RNF180: variants seen among roughly 807,000 people sequenced by gnomAD.
The protein encoded by RNF180 is E3 ubiquitin-protein ligase RNF180.
In RNF180, 38 loss-of-function variants were observed where a neutral mutation model predicts 59.2. That is an observed-to-expected ratio of 0.64 (90% CI 0.50 to 0.84). RNF180 has a LOEUF of 0.84. RNF180 is among the 40% of genes least tolerant of loss of function. The probability of loss-of-function intolerance (pLI) is 0.00; values close to 1 mark genes in which losing one functional copy is unlikely to be tolerated. For missense variants in RNF180, 705 were observed against 700.9 expected, an observed-to-expected ratio of 1.01 and a Z score of -0.07; for synonymous variants, 262 against 240.3, an observed-to-expected ratio of 1.09 and a Z score of -0.84.
At chr5:64,235,416 TTAAAA>T (rs1742377454) in intron 5 of RNF180, among the ~76,000 whole-genome samples, 2 of 152,264 alleles carry the variant, frequency 1.3e-5, no homozygotes, top group African/African-American at 4.8e-5. Context: ...TACTAAATAC[TTAAAA>T]TAAGCATGAA....
intron 7 of RNF180, among the ~76,000 whole-genome samples, chr5:64,356,104 A>C (rs1191560962): frequency 1.3e-5 from 2 of 151,722 alleles, no homozygotes; most frequent in Non-Finnish European, 2.9e-5. Flanking sequence ...AAAAAAACAA[A>C]TTGTAATTAG....
intron 2 of RNF180, among the ~76,000 whole-genome samples, chr5:64,206,587 C>T (rs1006977236): frequency 8.6e-5 from 13 of 151,990 alleles, no homozygotes; most frequent in Admixed American, 7.9e-4. Context: ...TTAGTGATAC[C>T]GTATATTTGT....
At chr5:64,325,960 T>G (rs1744615509) in intron 6 of RNF180, among the ~76,000 whole-genome samples, 1 of 152,070 alleles carries the variant, frequency 6.6e-6, no homozygotes, top group Admixed American at 6.6e-5. Flanking sequence ...AACACAATAT[T>G]TAAAATATTA....
At chr5:64,267,732 G>C (rs903275965) in intron 5 of RNF180, among the ~76,000 whole-genome samples, 1 of 152,122 alleles carries the variant, frequency 6.6e-6, no homozygotes, top group Non-Finnish European at 1.5e-5. Context: ...TAAAACTCAT[G>C]ATATAGTAAT....
At chr5:64,342,896 A>C (rs1745411636) in intron 7 of RNF180, among the ~76,000 whole-genome samples, 1 of 152,174 alleles carries the variant, frequency 6.6e-6, no homozygotes, top group South Asian at 2.1e-4. Flanking sequence ...AGCGTAGGTC[A>C]TGTGTCCTTA....
chr5:64,188,960 G>A (rs955025406), intron 1 of RNF180, among the ~76,000 whole-genome samples: 1 of 151,988 alleles, frequency 6.6e-6, no homozygotes, highest in Non-Finnish European at 1.5e-5. Context: ...GAGGTCACAG[G>A]GTGAAACCCC....
intron 7 of RNF180, among the ~76,000 whole-genome samples, chr5:64,363,546 C>A (rs1046113677): frequency 7.2e-5 from 11 of 151,784 alleles, no homozygotes; most frequent in African/African-American, 2.7e-4. Context: ...GTTCTTATTG[C>A]TTAGGATTTC....
chr5:64,326,091 A>G (rs6449712), intron 6 of RNF180, among the ~76,000 whole-genome samples: 43,373 of 152,010 alleles, frequency 0.29, 6,411 homozygotes, highest in African/African-American at 0.35. Flanking sequence ...CCTCTCAGCC[A>G]TAAAGGAGCC....
At position 64,236,077 on chromosome 5, in the gene RNF180, G is replaced by C. The variant is rs1742427004; in HGVS notation, c.1227+18681G>C. Among the ~76,000 whole-genome samples, 3 of 152,232 alleles carry C rather than the reference G, an allele frequency of 2.0e-5. No individual in the cohort carries two copies. The South Asian group carries it at 6.2e-4, about 31-fold the overall frequency. ...ACTTTGGAACTGGGTAATAGGCAGA[G>C]GTTGGAACAGTTTGGAGGGCTCAGA... On this transcript the variant is annotated intron_variant, in intron 5 of 7. Coordinates refer to ENST00000389100, the MANE Select transcript of RNF180 (RefSeq NM_001113561.2).
intron 1 of RNF180, among the ~76,000 whole-genome samples, chr5:64,193,151 G>T (rs1751271067): frequency 6.6e-6 from 1 of 151,674 alleles, no homozygotes; most frequent in African/African-American, 2.4e-5. Flanking sequence ...AGTAACTGTT[G>T]CTTAATGGGT....
At chr5:64,246,568 T>G (rs759003117) in intron 5 of RNF180, among the ~76,000 whole-genome samples, 6 of 152,166 alleles carry the variant, frequency 3.9e-5, no homozygotes. Context: ...CAGGAAGATA[T>G]TCTATCCCTG....
chr5:64,368,194 G>T (rs1451077176), intron 7 of RNF180, among the ~76,000 whole-genome samples: 2 of 151,622 alleles, frequency 1.3e-5, no homozygotes, highest in Non-Finnish European at 3.0e-5. Context: ...CTTTAAAGGA[G>T]TATCATTATG....
chr5:64,185,389 T>C (rs1457297262), intron 1 of RNF180, among the ~76,000 whole-genome samples: 1 of 152,206 alleles, frequency 6.6e-6, no homozygotes, highest in Non-Finnish European at 1.5e-5. Flanking sequence ...TTTTCTTTTC[T>C]TTATGTAATT....
intron 1 of RNF180, among the ~76,000 whole-genome samples, chr5:64,196,087 T>C (rs1239955713): frequency 2.0e-5 from 3 of 152,198 alleles, no homozygotes; most frequent in Non-Finnish European, 4.4e-5. Flanking sequence ...ATAACTGATA[T>C]TGAATAAAAC....
At chr5:64,202,078 A>G (rs986721508) in intron 2 of RNF180, among the ~76,000 whole-genome samples, 2 of 152,252 alleles carry the variant, frequency 1.3e-5, no homozygotes, top group Non-Finnish European at 2.9e-5. Flanking sequence ...AATTAAATGT[A>G]CAACTTGATA....
intron 7 of RNF180, among the ~76,000 whole-genome samples, chr5:64,345,721 G>A (rs1745527293): frequency 6.6e-6 from 1 of 152,074 alleles, no homozygotes; most frequent in Admixed American, 6.6e-5. Flanking sequence ...TAAACAATTT[G>A]CTGTTCTTCA....
intron 1 of RNF180, among the ~76,000 whole-genome samples, chr5:64,184,283 CA>C (rs754604260): frequency 6.6e-6 from 1 of 152,180 alleles, no homozygotes; most frequent in Non-Finnish European, 1.5e-5. Flanking sequence ...CTAGCAAACT[CA>C]TACCGTTGTC....
rs547637969 is a variant in RNF180, at chr5:64,362,630, G to A, written c.1580-6985G>A. On this transcript the variant is annotated intron_variant, in intron 7 of 7. Coordinates refer to ENST00000389100, the MANE Select transcript of RNF180 (RefSeq NM_001113561.2). ...GTAACGGGATTGCTGGGGTCGAATGGTAGTTCTGTTTTTAGGACTTTGAGG... is the reference window on the plus strand; with the variant it reads ...GTAACGGGATTGCTGGGGTCGAATGATAGTTCTGTTTTTAGGACTTTGAGG... Among the ~76,000 whole-genome samples, 296 of 151,914 alleles carry A rather than the reference G, an allele frequency of 1.9e-3. 7 individuals carry two copies. Among genetic ancestry groups the A allele is most frequent in the Non-Finnish European group, 2.1e-4 (14 of 67,868 alleles).
At chr5:64,220,574 A>G (rs1166679335) in intron 5 of RNF180, among the ~76,000 whole-genome samples, 1 of 152,072 alleles carries the variant, frequency 6.6e-6, no homozygotes, top group Non-Finnish European at 1.5e-5. Flanking sequence ...TCCTAGAACA[A>G]AACATTTTTT....
Sources: allele counts gnomAD v4.1 joint callset (sites outside exome capture counted in the v4.1 genomes callset), GRCh38; gene constraint gnomAD v4.1.1; transcripts MANE v1.5; gene names NCBI Gene and HGNC (gene_info 2026-07-23, HGNC 2026-07-21).